CTXND1: variants seen among roughly 807,000 people sequenced by gnomAD.
The protein encoded by CTXND1 is cortexin domain-containing 1 protein.
At chr15:80,248,118 T>G (rs979248053) in intron 1 of CTXND1, among the ~76,000 whole-genome samples, 4 of 152,218 alleles carry the variant, frequency 2.6e-5, no homozygotes, top group African/African-American at 9.6e-5. Context: ...GCTCTTCCCG[T>G]GCATGGGCCT....
chr15:80,195,609 C>G lies in CTXND1; in HGVS notation c.*6161G>C, dbSNP rs995238235. 1 of 152,170 alleles carries G rather than the reference C, an allele frequency of 6.6e-6. No homozygotes were observed. The highest frequency in any genetic ancestry group is 1.5e-5 in the Non-Finnish European group (1 of 68,040). 9.4% of individuals were successfully genotyped at this position (152,170 alleles called of 1,614,324 possible). A position where few individuals can be genotyped will look rare whatever the true frequency, so the allele number is the denominator to read the frequency against. On this transcript the variant is annotated 3_prime_UTR_variant, in exon 3 of 3. Transcript: ENST00000560778. ...AACATGGTGGAAGGAATCACATGGGCAAGAGAGAAAAGAGGACCAAACACC... is the reference window on the plus strand; with the variant it reads ...AACATGGTGGAAGGAATCACATGGGGAAGAGAGAAAAGAGGACCAAACACC...
intron 1 of CTXND1, among the ~76,000 whole-genome samples, chr15:80,214,293 A>G (rs1893230442): frequency 6.6e-6 from 1 of 151,538 alleles, no homozygotes; most frequent in South Asian, 2.1e-4. Flanking sequence ...TAAAGATAAC[A>G]TTTAAAGATA....
At chr15:80,215,235 T>C (rs1389845832) in intron 1 of CTXND1, among the ~76,000 whole-genome samples, 1 of 152,180 alleles carries the variant, frequency 6.6e-6, no homozygotes, top group Non-Finnish European at 1.5e-5. Context: ...CTCCTCCATA[T>C]TGGGGGTACC....
rs1893367662 is a variant in CTXND1, at chr15:80,226,008, G to A, written c.-217-22268C>T. ...AGGGTCCATGGGCAGGGTTTATCCTGAGCACAGTGACTAGAGGATGAAGCA... is the reference window on the plus strand; with the variant it reads ...AGGGTCCATGGGCAGGGTTTATCCTAAGCACAGTGACTAGAGGATGAAGCA... On this transcript the variant is annotated intron_variant, in intron 1 of 2. Transcript: ENST00000560778. Among the ~76,000 whole-genome samples, 3 of 152,316 alleles carry A rather than the reference G, an allele frequency of 2.0e-5. No homozygotes were observed. The South Asian group carries it at 6.2e-4, about 32-fold the overall frequency.
At chr15:80,239,988 G>A (rs1438831540) in intron 1 of CTXND1, among the ~76,000 whole-genome samples, 2 of 151,980 alleles carry the variant, frequency 1.3e-5, no homozygotes, top group Non-Finnish European at 2.9e-5. Flanking sequence ...TTTTTGAGAC[G>A]GAGTTTTGCT....
chr15:80,236,339 C>G (rs552361074), intron 1 of CTXND1, among the ~76,000 whole-genome samples: 2 of 152,222 alleles, frequency 1.3e-5, no homozygotes, highest in South Asian at 4.1e-4. Flanking sequence ...TCTATGGGAA[C>G]ACAGCAGTGC....
chr15:80,214,535 T>C (rs1893232793), intron 1 of CTXND1, among the ~76,000 whole-genome samples: 1 of 152,112 alleles, frequency 6.6e-6, no homozygotes, highest in African/African-American at 2.4e-5. Context: ...AAAAAAATTA[T>C]TGAGTCAATG....
intron 1 of CTXND1, among the ~76,000 whole-genome samples, chr15:80,215,394 A>T (rs71397601): frequency 0.069 from 10,482 of 152,292 alleles, 439 homozygotes; most frequent in Non-Finnish European, 0.095. Context: ...TTATGATGAA[A>T]GAAGTCCCCA....
At chr15:80,217,427 T>C (rs1284621946) in intron 1 of CTXND1, among the ~76,000 whole-genome samples, 1 of 152,200 alleles carries the variant, frequency 6.6e-6, no homozygotes, top group African/African-American at 2.4e-5. Context: ...TCTATTTTTT[T>C]GTACTATTTT....
chr15:80,226,643 G>A (rs1190564354), intron 1 of CTXND1, among the ~76,000 whole-genome samples: 1 of 152,132 alleles, frequency 6.6e-6, no homozygotes, highest in Middle Eastern at 3.2e-3. Flanking sequence ...GGGTCCCCTT[G>A]GCCTGACACT....
At chr15:80,241,760 C>T (rs1893570709) in intron 1 of CTXND1, among the ~76,000 whole-genome samples, 1 of 152,200 alleles carries the variant, frequency 6.6e-6, no homozygotes, top group South Asian at 2.1e-4. Flanking sequence ...GGGGAAACAG[C>T]TGCTCGTTGG....
chr15:80,237,906 G>C (rs1362950947), intron 1 of CTXND1, among the ~76,000 whole-genome samples: 1 of 148,312 alleles, frequency 6.7e-6, no homozygotes, highest in Admixed American at 6.9e-5. Flanking sequence ...CTACTCAGGA[G>C]ACTGAGGCAG....
chr15:80,202,288 A>G (rs1165612807), intron 2 of CTXND1, among the ~76,000 whole-genome samples: 1 of 147,342 alleles, frequency 6.8e-6, no homozygotes, highest in Non-Finnish European at 1.5e-5. Context: ...CCCAGCAGGC[A>G]TGGGACTAGG....
chr15:80,244,922 G>C (rs151274172), intron 1 of CTXND1, among the ~76,000 whole-genome samples: 254 of 152,234 alleles, frequency 1.7e-3, no homozygotes, highest in Middle Eastern at 3.4e-3. Flanking sequence ...TTGAGAGTTG[G>C]GCCTGGAGCT....
At chr15:80,215,216 C>T (rs895255033) in intron 1 of CTXND1, among the ~76,000 whole-genome samples, 2 of 152,182 alleles carry the variant, frequency 1.3e-5, no homozygotes, top group Admixed American at 6.5e-5. Flanking sequence ...TAATGACCTA[C>T]GCTTGAAACT....
chr15:80,229,446 C>T (rs1017353480), intron 1 of CTXND1, among the ~76,000 whole-genome samples: 8 of 152,166 alleles, frequency 5.3e-5, no homozygotes, highest in African/African-American at 7.2e-5. Flanking sequence ...GTGAGTCATA[C>T]GTGGTGCTTG....
intron 1 of CTXND1, among the ~76,000 whole-genome samples, chr15:80,241,776 C>T (rs562239916): frequency 2.0e-5 from 3 of 152,184 alleles, no homozygotes; most frequent in Admixed American, 6.5e-5. Context: ...GTTGGCCTAC[C>T]CTCCCTTCCA....
intron 1 of CTXND1, among the ~76,000 whole-genome samples, chr15:80,238,651 AT>A (rs1893531410): frequency 6.6e-6 from 1 of 151,990 alleles, no homozygotes. Flanking sequence ...CGCCCAGCTA[AT>A]TTTTAGTAGA....
At chr15:80,230,245 G>C (rs1281681604) in intron 1 of CTXND1, among the ~76,000 whole-genome samples, 1 of 152,200 alleles carries the variant, frequency 6.6e-6, no homozygotes, top group South Asian at 2.1e-4. Context: ...CAAGTGTGAT[G>C]ATGGGTCTCT....
Sources: allele counts gnomAD v4.1 joint callset (sites outside exome capture counted in the v4.1 genomes callset), GRCh38; gene constraint gnomAD v4.1.1; transcripts MANE v1.5; gene names NCBI Gene and HGNC (gene_info 2026-07-23, HGNC 2026-07-21).